Variants in MECOM observed in about 807,000 individuals in gnomAD.
MECOM encodes the protein MDS1 and EVI1 complex locus, also known as histone-lysine N-methyltransferase MECOM.
Under a neutral mutation model 116.3 loss-of-function variants are expected in MECOM, and 13 were observed. The ratio of observed to expected loss-of-function variants is 0.11; its 90% CI spans 0.07 to 0.18. The LOEUF is 0.18. Among genes scored for constraint, MECOM ranks in the 10% least tolerant of loss-of-function variants. MECOM has a pLI of 1.00. For missense variants in MECOM, 1,299 were observed against 1,509.0 expected (o/e 0.86, Z 2.31); for synonymous variants, 528 against 535.2 (o/e 0.99, Z 0.19).
At chr3:169,420,415 T>C (rs918811911) in intron 1 of MECOM, among the ~76,000 whole-genome samples, 3 of 152,248 alleles carry the variant, frequency 2.0e-5, no homozygotes, top group Admixed American at 6.5e-5. Flanking sequence ...GGGTGTTCTC[T>C]AAGATTCCTT....
chr3:169,661,303 A>AC (rs1776252237), intron 1 of MECOM, among the ~76,000 whole-genome samples: 1 of 123,564 alleles, frequency 8.1e-6, no homozygotes, highest in Non-Finnish European at 1.7e-5. Context: ...ACTCCCGCCA[A>AC]CTCCCCCCCC....
intron 2 of MECOM, among the ~76,000 whole-genome samples, chr3:169,176,108 GA>G (rs5854313): frequency 0.93 from 137,298 of 146,970 alleles, 64,265 homozygotes; most frequent in African/African-American, 0.98. Flanking sequence ...TAGCTGATGA[GA>G]AAAAAAAAAC....
At chr3:169,643,706 C>T (rs1317253099) in intron 1 of MECOM, among the ~76,000 whole-genome samples, 1 of 152,192 alleles carries the variant, frequency 6.6e-6, no homozygotes, top group African/African-American at 2.4e-5. Flanking sequence ...TCTGGCCTGA[C>T]CTTGGGCCTT....
chr3:169,137,886 G>C (rs1450460829), intron 3 of MECOM, among the ~76,000 whole-genome samples: 2 of 152,058 alleles, frequency 1.3e-5, no homozygotes, highest in Non-Finnish European at 2.9e-5. Context: ...AGCCTTGCAA[G>C]ATGTCTCCTT....
At chr3:169,234,560 T>TA (rs925642911) in intron 2 of MECOM, among the ~76,000 whole-genome samples, 7 of 152,158 alleles carry the variant, frequency 4.6e-5, no homozygotes, top group South Asian at 4.1e-4. Flanking sequence ...TTAGCTGATT[T>TA]AAAAAAAATC....
intron 1 of MECOM, among the ~76,000 whole-genome samples, chr3:169,549,303 A>G (rs1456189375): frequency 1.3e-5 from 2 of 151,548 alleles, no homozygotes; most frequent in African/African-American, 4.9e-5. Context: ...TCCCACTCCC[A>G]CTTAAAAGAA....
At chr3:169,422,132 G>A (rs780396251) in intron 1 of MECOM, among the ~76,000 whole-genome samples, 4 of 151,966 alleles carry the variant, frequency 2.6e-5, no homozygotes, top group Non-Finnish European at 5.9e-5. Flanking sequence ...AGGCTCATTT[G>A]TACCAATAAA....
chr3:169,411,544 C>A (rs776370658), intron 1 of MECOM, among the ~76,000 whole-genome samples: 2 of 152,174 alleles, frequency 1.3e-5, no homozygotes, highest in Non-Finnish European at 2.9e-5. Flanking sequence ...GGTTTCCTGA[C>A]GTCCGCACTC....
chr3:169,113,478 T>C (rs796267703), intron 8 of MECOM, among the ~76,000 whole-genome samples: 5 of 151,660 alleles, frequency 3.3e-5, no homozygotes, highest in African/African-American at 1.2e-4. Context: ...AGAGAATATA[T>C]GCTCTTTGGA....
At chr3:169,209,597 GA>G (rs1217712327) in intron 2 of MECOM, among the ~76,000 whole-genome samples, 4 of 151,948 alleles carry the variant, frequency 2.6e-5, no homozygotes, top group African/African-American at 4.8e-5. Flanking sequence ...ACAAACATAG[GA>G]AAAAAAGCTC....
intron 12 of MECOM, among the ~76,000 whole-genome samples, chr3:169,095,863 C>T (rs1721282352): frequency 6.6e-6 from 1 of 152,008 alleles, no homozygotes; most frequent in South Asian, 2.1e-4. Flanking sequence ...ATAATAATGC[C>T]ACTAAGTTCT....
intron 2 of MECOM, among the ~76,000 whole-genome samples, chr3:169,255,042 C>T (rs1756697564): frequency 6.6e-6 from 1 of 152,140 alleles, no homozygotes; most frequent in Non-Finnish European, 1.5e-5. Context: ...TGCACAAACA[C>T]TGAAACCTGT....
intron 1 of MECOM, among the ~76,000 whole-genome samples, chr3:169,469,780 G>A (rs533063729): frequency 3.0e-4 from 45 of 152,184 alleles, no homozygotes; most frequent in African/African-American, 8.9e-4. Context: ...GAATGTACCC[G>A]TTATGTTTTG....
chr3:169,393,022 G>A (rs913630513), intron 1 of MECOM, among the ~76,000 whole-genome samples: 14 of 152,146 alleles, frequency 9.2e-5, no homozygotes, highest in Admixed American at 2.0e-4. Flanking sequence ...GCACAGAGTA[G>A]TGGGTAGTTC....
intron 1 of MECOM, among the ~76,000 whole-genome samples, chr3:169,471,544 T>C (rs996418537): frequency 6.6e-6 from 1 of 152,202 alleles, no homozygotes; most frequent in African/African-American, 2.4e-5. Context: ...GGGCTTTATA[T>C]CCAGGAATCC....
At chr3:169,272,220 T>C (rs112587586) in intron 2 of MECOM, among the ~76,000 whole-genome samples, 6 of 152,312 alleles carry the variant, frequency 3.9e-5, no homozygotes, top group African/African-American at 9.6e-5. Flanking sequence ...CTGAGACTCA[T>C]GAAAGTGCCT....
rs371201094 is a variant in MECOM at position 169,137,631 on chromosome 3, C to A, written c.510+6067G>T. 1.8e-4 allele frequency among the ~76,000 whole-genome samples: 27 copies of A among 152,232 alleles called. No homozygotes were observed. In the East Asian group the frequency reaches 1.9e-3, roughly 11 times the overall value. ...AATATTAATTGAAAAAGATCAAGTA[C>A]TGCCTTGCTATATCCACTTCCTAAA... is the stretch of plus-strand genomic sequence containing the variant. On this transcript the variant is annotated intron_variant, in intron 3 of 16. Coordinates refer to ENST00000651503, the MANE Select transcript of MECOM (RefSeq NM_004991.4).
At chr3:169,645,256 A>C (rs1375097468) in intron 1 of MECOM, among the ~76,000 whole-genome samples, 1 of 152,094 alleles carries the variant, frequency 6.6e-6, no homozygotes, top group African/African-American at 2.4e-5. Context: ...CCCACCCTAA[A>C]ACCTAATATC....
chr3:169,234,783 C>CT (rs903980143), intron 2 of MECOM, among the ~76,000 whole-genome samples: 41 of 152,236 alleles, frequency 2.7e-4, no homozygotes, highest in African/African-American at 9.9e-4. Context: ...CTAATTGCTT[C>CT]TTTTTTTGAC....
Sources: gnomAD v4.1 joint callset for allele counts (sites outside exome capture counted in the v4.1 genomes callset) on GRCh38, gnomAD v4.1.1 for gene constraint, MANE v1.5 for transcripts, NCBI Gene and HGNC (gene_info 2026-07-23, HGNC 2026-07-21) for gene names.